The following OLA1 variants were observed in gnomAD, a reference collection of about 807,000 sequenced individuals.
The protein encoded by OLA1 is Obg like ATPase 1, also known as obg-like ATPase 1.
Under a neutral mutation model 48.4 loss-of-function variants are expected in OLA1, and 14 were observed. The observed-to-expected ratio is 0.29, with a 90% confidence interval of 0.19 to 0.45. The LOEUF (loss-of-function observed/expected upper bound fraction) is 0.45. OLA1 is among the 20% of genes least tolerant of loss of function. The pLI, the probability that OLA1 is intolerant of heterozygous loss-of-function variation, is 1.00. For missense variants in OLA1, 325 were observed against 467.1 expected, an observed-to-expected ratio of 0.70 and a Z score of 2.80; for synonymous variants, 127 against 150.4, an observed-to-expected ratio of 0.84 and a Z score of 1.14.
intron 7 of OLA1, among the ~76,000 whole-genome samples, chr2:174,090,750 C>T (rs1685096066): frequency 6.6e-6 from 1 of 152,198 alleles, no homozygotes; most frequent in African/African-American, 2.4e-5. Flanking sequence ...AGGAGACAAA[C>T]TACCTCGGGT....
At chr2:174,092,019 A>C (rs1169776253) in intron 7 of OLA1, among the ~76,000 whole-genome samples, 1 of 149,550 alleles carries the variant, frequency 6.7e-6, no homozygotes, top group Non-Finnish European at 1.5e-5. Context: ...ACCTGGCATT[A>C]GTGGATAGAT....
chr2:174,229,241 A>C, intron 3 of OLA1, 67 bp downstream of exon 3: 1 of 1,449,056 alleles, frequency 6.9e-7, no homozygotes, highest in Non-Finnish European at 9.6e-7. Context: ...AAACTCTTCT[A>C]TATGACTTTA....
chr2:174,115,562 T>C (rs1399297515), intron 7 of OLA1, among the ~76,000 whole-genome samples: 2 of 152,188 alleles, frequency 1.3e-5, no homozygotes, highest in African/African-American at 4.8e-5. Flanking sequence ...AATAAAAACA[T>C]ATACGTTTTT....
intron 7 of OLA1, among the ~76,000 whole-genome samples, chr2:174,120,671 T>C (rs148697142): frequency 6.6e-6 from 1 of 152,272 alleles, no homozygotes; most frequent in East Asian, 1.9e-4. Flanking sequence ...AATAACACAA[T>C]AGACTTATCT....
intron 2 of OLA1, among the ~76,000 whole-genome samples, chr2:174,229,721 A>T (rs1267026527): frequency 1.3e-5 from 2 of 152,230 alleles, no homozygotes; most frequent in Non-Finnish European, 2.9e-5. Flanking sequence ...CTTTGTTATA[A>T]GTTAGAGTTT....
chr2:174,182,068 G>C (rs1035209121), intron 4 of OLA1, among the ~76,000 whole-genome samples: 1 of 152,174 alleles, frequency 6.6e-6, no homozygotes, highest in Non-Finnish European at 1.5e-5. Flanking sequence ...GGAACTGAAA[G>C]AGGGAAGAAA....
At chr2:174,134,896 T>G (rs1389469717) in intron 5 of OLA1, among the ~76,000 whole-genome samples, 1 of 152,192 alleles carries the variant, frequency 6.6e-6, no homozygotes, top group Non-Finnish European at 1.5e-5. Context: ...GCGTGGTGGC[T>G]CATGCCTGTA....
intron 4 of OLA1, among the ~76,000 whole-genome samples, chr2:174,203,465 C>CTTTAACATCTTTT (rs1553488964): frequency 2.8e-5 from 4 of 140,554 alleles, no homozygotes; most frequent in Non-Finnish European, 6.1e-5. Context: ...TAGCTAACAT[C>CTTTAACATCTTTT]TTTTTTTTTT....
chr2:174,097,906 C>T (rs1685295125), intron 7 of OLA1, among the ~76,000 whole-genome samples: 1 of 151,990 alleles, frequency 6.6e-6, no homozygotes, highest in African/African-American at 2.4e-5. Context: ...TTCCATGATC[C>T]CATTTATCCA....
chr2:174,144,954 ATAT>A (rs1558975309), intron 4 of OLA1, among the ~76,000 whole-genome samples: 2,584 of 58,410 alleles, frequency 0.044, 42 homozygotes, highest in Non-Finnish European at 0.063. Context: ...AAAAAAAAAT[ATAT>A]ATATATATAT....
At chr2:174,200,872 T>C (rs1268659047) in intron 4 of OLA1, among the ~76,000 whole-genome samples, 3 of 152,202 alleles carry the variant, frequency 2.0e-5, no homozygotes, top group African/African-American at 7.2e-5. Context: ...AACCCTTAAA[T>C]ACAATTGTTT....
At chr2:174,169,236 C>A (rs1687242238) in intron 4 of OLA1, among the ~76,000 whole-genome samples, 1 of 152,106 alleles carries the variant, frequency 6.6e-6, no homozygotes, top group African/African-American at 2.4e-5. Context: ...TGAGCCACTG[C>A]ACCCAGCCCC....
intron 7 of OLA1, among the ~76,000 whole-genome samples, chr2:174,109,945 C>G (rs1685607773): frequency 6.6e-6 from 1 of 152,144 alleles, no homozygotes; most frequent in Admixed American, 6.5e-5. Flanking sequence ...TTCTGCTCCT[C>G]TCTCTCTTCC....
chr2:174,076,040 A>C (rs1165967991), intron 10 of OLA1, among the ~76,000 whole-genome samples: 1 of 152,206 alleles, frequency 6.6e-6, no homozygotes, highest in East Asian at 1.9e-4. Flanking sequence ...TGTAGTTTTT[A>C]AAATTTAGTC....
At chr2:174,095,333 T>TTTG (rs1553478272) in intron 7 of OLA1, among the ~76,000 whole-genome samples, 1 of 115,086 alleles carries the variant, frequency 8.7e-6, no homozygotes, top group Non-Finnish European at 2.1e-5. Flanking sequence ...CTGTTTTTTT[T>TTTG]TTTTTTTTTT....
intron 4 of OLA1, among the ~76,000 whole-genome samples, 156 bp from the exon 5 acceptor site, chr2:174,142,156 G>C: frequency 1.3e-5 from 2 of 152,040 alleles, no homozygotes; most frequent in Non-Finnish European, 2.9e-5. Flanking sequence ...CCCCCATTTA[G>C]TAATACTGAG....
chr2:174,078,851 T>C, intron 10 of OLA1, 117 bp downstream of exon 10: 1 of 1,030,822 alleles, frequency 9.7e-7, no homozygotes, highest in South Asian at 1.8e-5. Context: ...CTGATCATCT[T>C]ATTACTTTAT....
intron 5 of OLA1, among the ~76,000 whole-genome samples, chr2:174,134,977 T>C (rs1402776753): frequency 6.6e-6 from 1 of 151,752 alleles, no homozygotes; most frequent in Non-Finnish European, 1.5e-5. Context: ...CTGGCTAACA[T>C]GGTGAAACCC....
chr2:174,192,358 G>A (rs1389546950), intron 4 of OLA1, among the ~76,000 whole-genome samples: 1 of 152,032 alleles, frequency 6.6e-6, no homozygotes, highest in Non-Finnish European at 1.5e-5. Flanking sequence ...CATTTCCTTT[G>A]AGCGTCATGT....
Sources: gnomAD v4.1 joint callset for allele counts (sites outside exome capture counted in the v4.1 genomes callset) on GRCh38, gnomAD v4.1.1 for gene constraint, MANE v1.5 for transcripts, NCBI Gene and HGNC (gene_info 2026-07-23, HGNC 2026-07-21) for gene names.